The following CHSY3 variants were observed in gnomAD, a reference collection of about 807,000 sequenced individuals.
CHSY3 encodes N-acetylgalactosaminyl-proteoglycan 3-beta-glucuronosyltransferase 3.
CHSY3 carries 35 observed loss-of-function variants against 67.2 expected under a neutral mutation model. That is an observed-to-expected ratio of 0.52 (90% CI 0.40 to 0.69). The LOEUF (loss-of-function observed/expected upper bound fraction) is 0.69. Among genes scored for constraint, CHSY3 ranks in the 30% least tolerant of loss-of-function variants. CHSY3 has a pLI of 0.00. For synonymous variants in CHSY3, 474 were observed against 434.7 expected (o/e 1.09, Z -1.12); for missense variants, 1,069 against 1,138.5 (o/e 0.94, Z 0.88).
In CHSY3 at chr5:130,184,995, AAAAG is replaced by A; in HGVS notation, c.1858_1861del (p.Lys620TyrfsTer15). The A allele has an allele frequency of 6.4e-7, 1 of 1,560,110 alleles. No individual in the cohort carries two copies. The highest frequency in any genetic ancestry group is 8.8e-7 in the Non-Finnish European group (1 of 1,131,158). On this transcript the variant is annotated frameshift_variant, in exon 3 of 3. Coordinates refer to ENST00000305031, the MANE Select transcript of CHSY3 (RefSeq NM_175856.5). LOFTEE classifies it high-confidence loss of function. ...GCCAAAGAAATGGGAGGGCACAATG[AAAAG>A]AAAGTACACATTCTCGTTCCTCTCA...
At chr5:130,015,904 A>G (rs927833603) in intron 2 of CHSY3, among the ~76,000 whole-genome samples, 5 of 152,220 alleles carry the variant, frequency 3.3e-5, no homozygotes, top group Non-Finnish European at 4.4e-5. Context: ...ACACAGCCAT[A>G]AAAATGAATG....
chr5:130,155,169 A>G (rs1367820667), intron 2 of CHSY3, among the ~76,000 whole-genome samples: 1 of 152,226 alleles, frequency 6.6e-6, no homozygotes, highest in Non-Finnish European at 1.5e-5. Context: ...GTATGCCAAG[A>G]AAACTGAATG....
intron 2 of CHSY3, among the ~76,000 whole-genome samples, chr5:129,923,112 T>C (rs1760977898): frequency 6.6e-6 from 1 of 152,052 alleles, no homozygotes; most frequent in Non-Finnish European, 1.5e-5. Context: ...TTTTAAGTCA[T>C]AGTGGAAATG....
chr5:130,086,313 A>G (rs1180866152), intron 2 of CHSY3, among the ~76,000 whole-genome samples: 1 of 152,034 alleles, frequency 6.6e-6, no homozygotes, highest in African/African-American at 2.4e-5. Context: ...GTGCATATAT[A>G]TTTAGGATAG....
chr5:130,086,900 C>A (rs1434066455), intron 2 of CHSY3, among the ~76,000 whole-genome samples: 1 of 152,020 alleles, frequency 6.6e-6, no homozygotes, highest in Non-Finnish European at 1.5e-5. Flanking sequence ...CAAAGCCTGG[C>A]AGAGACACAA....
At position 129,904,703 on chromosome 5, in the gene CHSY3, G is replaced by C. The variant is rs538268367; in HGVS notation, c.-127G>C. ...GGCGCTTCGACCTCCAGCCGGTGTC[G>C]GCGCCTAGGCGGCCGGCTGCGGCCG... On this transcript the variant is annotated 5_prime_UTR_variant, in exon 1 of 3. Transcript: ENST00000305031. 5 of 1,214,828 alleles carry C rather than the reference G, an allele frequency of 4.1e-6. No homozygotes were observed. The highest frequency in any genetic ancestry group is 4.1e-5 in the South Asian group (1 of 24,554). The allele number at this position is 1,214,828 out of a possible 1,614,324, so 75.3% of individuals were successfully genotyped here.
intron 2 of CHSY3, among the ~76,000 whole-genome samples, chr5:129,923,805 C>A (rs1761003579): frequency 6.6e-6 from 1 of 152,154 alleles, no homozygotes; most frequent in Non-Finnish European, 1.5e-5. Flanking sequence ...GGGCAGATAT[C>A]ATGTATGGCT....
intron 2 of CHSY3, among the ~76,000 whole-genome samples, chr5:130,090,402 C>A (rs1766840649): frequency 6.6e-6 from 1 of 152,160 alleles, no homozygotes; most frequent in South Asian, 2.1e-4. Flanking sequence ...CCCACAGTAC[C>A]TGGCTACCAG....
At chr5:130,038,909 C>T (rs948430117) in intron 2 of CHSY3, among the ~76,000 whole-genome samples, 4 of 151,990 alleles carry the variant, frequency 2.6e-5, no homozygotes, top group Non-Finnish European at 5.9e-5. Context: ...ACCTCTTCCA[C>T]ATATTATATT....
chr5:130,153,396 G>A (rs937080195), intron 2 of CHSY3, among the ~76,000 whole-genome samples: 32 of 151,914 alleles, frequency 2.1e-4, no homozygotes, highest in African/African-American at 7.7e-4. Flanking sequence ...GACCTCTGAT[G>A]TTTTCTCAAA....
intron 2 of CHSY3, among the ~76,000 whole-genome samples, chr5:130,100,276 C>A (rs1326009225): frequency 6.6e-6 from 1 of 152,054 alleles, no homozygotes; most frequent in East Asian, 1.9e-4. Context: ...CTGCTGCCTC[C>A]CGGGTTCATG....
intron 2 of CHSY3, among the ~76,000 whole-genome samples, chr5:129,920,883 A>G (rs963648563): frequency 6.6e-6 from 1 of 151,980 alleles, no homozygotes; most frequent in Non-Finnish European, 1.5e-5. Context: ...CAGTGGTACA[A>G]TCACGACCCT....
chr5:130,020,937 A>G (rs1040614387), intron 2 of CHSY3, among the ~76,000 whole-genome samples: 1 of 152,016 alleles, frequency 6.6e-6, no homozygotes, highest in Non-Finnish European at 1.5e-5. Context: ...ACTCTTTGGT[A>G]TATTCTTAAG....
chr5:130,067,383 A>G (rs1175234009), intron 2 of CHSY3, among the ~76,000 whole-genome samples: 1 of 152,166 alleles, frequency 6.6e-6, no homozygotes, highest in African/African-American at 2.4e-5. Flanking sequence ...TTAGTTGAAG[A>G]GTTTGTACAC....
chr5:130,118,622 T>C (rs17165588), intron 2 of CHSY3, among the ~76,000 whole-genome samples: 3,223 of 152,228 alleles, frequency 0.021, 123 homozygotes, highest in African/African-American at 0.073. Flanking sequence ...ACATCTGCTG[T>C]CAAGTATGAT....
chr5:130,157,139 C>G (rs1392214095), intron 2 of CHSY3, among the ~76,000 whole-genome samples: 1 of 152,162 alleles, frequency 6.6e-6, no homozygotes, highest in African/African-American at 2.4e-5. Flanking sequence ...CCATTGTTAT[C>G]AATGACTCAG....
At chr5:129,981,833 T>G (rs1241437461) in intron 2 of CHSY3, among the ~76,000 whole-genome samples, 7 of 152,102 alleles carry the variant, frequency 4.6e-5, no homozygotes, top group Non-Finnish European at 7.4e-5. Flanking sequence ...TAGATGTGGG[T>G]TTTTTTGTAG....
chr5:130,184,165 G>A lies in CHSY3; in HGVS notation c.1087-64G>A, dbSNP rs544700303. On this transcript the variant is annotated intron_variant, in intron 2 of 2. Coordinates refer to ENST00000305031, the MANE Select transcript of CHSY3 (RefSeq NM_175856.5). Reference sequence around the variant, plus strand: ...TTTCATTTAGATGCTTTAGTTTATCGCTGGTTTTCTTTTTAGATAAATCTT... The same window carrying A: ...TTTCATTTAGATGCTTTAGTTTATCACTGGTTTTCTTTTTAGATAAATCTT... The A allele has an allele frequency of 1.8e-4, 248 of 1,344,714 alleles. 4 individuals carry two copies. The South Asian group carries it at 4.1e-3, about 22-fold the overall frequency. 83.3% of individuals were successfully genotyped at this position (1,344,714 alleles called of 1,614,324 possible).
In CHSY3 at chr5:130,041,384, C is replaced by A. The variant is rs375135552; in HGVS notation, c.1086+133024C>A. Among the ~76,000 whole-genome samples the A allele has an allele frequency of 3.5e-4, 54 of 152,228 alleles. 1 individual carries two copies. The South Asian group carries it at 0.011, about 31-fold the overall frequency. On this transcript the variant is annotated intron_variant, in intron 2 of 2. Transcript: ENST00000305031. ...CTCAGTAAGACATGTGCACCTGAAG[C>A]TGCCTCTAGGCACTCCAGCCCAAAA... is the stretch of plus-strand genomic sequence containing the variant.
Sources: gnomAD v4.1 joint callset for allele counts (sites outside exome capture counted in the v4.1 genomes callset) on GRCh38, gnomAD v4.1.1 for gene constraint, MANE v1.5 for transcripts, NCBI Gene and HGNC (gene_info 2026-07-23, HGNC 2026-07-21) for gene names.